LILRB1: variants seen among roughly 807,000 people sequenced by gnomAD.
LILRB1 encodes leukocyte immunoglobulin-like receptor subfamily B member 1.
LILRB1 carries 59 observed loss-of-function variants against 74.6 expected under a neutral mutation model. That is an observed-to-expected ratio of 0.79 (90% CI 0.64 to 0.98). The LOEUF (loss-of-function observed/expected upper bound fraction) is 0.98. Among genes scored for constraint, LILRB1 ranks in the 50% least tolerant of loss-of-function variants. LILRB1 has a pLI of 0.00. For synonymous variants in LILRB1, 328 were observed against 333.9 expected, an observed-to-expected ratio of 0.98 and a Z score of 0.19; for missense variants, 804 against 822.6, an observed-to-expected ratio of 0.98 and a Z score of 0.28.
chr19:54,636,977 C>A lies in LILRB1; in HGVS notation c.*99C>A. 1.4e-6 allele frequency: 2 copies of A among 1,479,612 alleles called. No homozygotes were observed. The highest frequency in any genetic ancestry group is 2.8e-5 in the African/African-American group (2 of 71,478). The allele number at this position is 1,479,612 out of a possible 1,614,324, so 91.7% of individuals were successfully genotyped here. A position where few individuals can be genotyped will look rare whatever the true frequency, so the allele number is the denominator to read the frequency against. The stretch of plus-strand genomic sequence containing the variant: ...TTGGACCCCACCCAGCCTGGATCTA[C>A]CCCAGGAGACTCTGGGAACTTTTAG... On this transcript the variant is annotated 3_prime_UTR_variant, in exon 15 of 15. Transcript: ENST00000324602.
chr19:54,636,749 C>T lies in LILRB1; in HGVS notation c.1830C>T (p.Ala610=), dbSNP rs1447842764. 2 of 1,612,556 alleles carry T rather than the reference C, an allele frequency of 1.2e-6. No individual in the cohort carries two copies. Among genetic ancestry groups the T allele is most frequent in the Non-Finnish European group, 1.7e-6 (2 of 1,179,424 alleles). Residue 610 remains alanine, a synonymous_variant, in exon 15 of 15, where the codon GCC becomes GCT. Transcript: ENST00000324602. ...CGCTGCAGGCTGCTGCATCTGAAGC[C>T]CCCCAGGATGTGACCTACGCCCAGC... ...QMDTEAAASE[A]PQDVTYAQLH...
At position 54,637,993 on chromosome 19, in the gene LILRB1, T is replaced by C. The variant is rs895495990; in HGVS notation, c.*1115T>C. 6.6e-6 allele frequency among the ~76,000 whole-genome samples: 1 copy of C among 152,146 alleles called. No individual in the cohort carries two copies. The highest frequency in any genetic ancestry group is 2.4e-5 in the African/African-American group (1 of 41,416). On this transcript the variant is annotated 3_prime_UTR_variant, in exon 15 of 15. Coordinates refer to ENST00000324602, the MANE Select transcript of LILRB1 (RefSeq NM_001081637.3). The stretch of plus-strand genomic sequence containing the variant: ...TATATGTGTGTGTGTGTGAAAAACA[T>C]TGACTATAATAAAAATAATCTCGAG...
At position 54,632,462 on chromosome 19, in the gene LILRB1, A is replaced by G. The variant is rs2063961778; in HGVS notation, c.662-2A>G. The G allele has an allele frequency of 1.3e-6, 2 of 1,597,352 alleles. No homozygotes were observed. Among genetic ancestry groups the G allele is most frequent in the Non-Finnish European group, 1.7e-6 (2 of 1,169,686 alleles). On this transcript the variant is annotated splice_acceptor_variant, in intron 5 of 14. Transcript: ENST00000324602. LOFTEE classifies it high-confidence loss of function. The stretch of plus-strand genomic sequence containing the variant: ...CTGGAAACCATGACCACCTTTTCCC[A>G]GGTGTTTCTAAGAAGCCATCACTCT...
At chr19:54,634,790 G>A in intron 10 of LILRB1, 27 bp downstream of exon 10, 1 of 1,611,668 alleles carries the variant, frequency 6.2e-7, no homozygotes, top group Non-Finnish European at 8.5e-7. Context: ...GGGACCCTGA[G>A]GGCTGACCGA....
At chr19:54,624,513 G>T (rs1238715210) in intron 1 of LILRB1, among the ~76,000 whole-genome samples, 4 of 152,138 alleles carry the variant, frequency 2.6e-5, no homozygotes, top group Non-Finnish European at 2.9e-5. Flanking sequence ...GCTGCTTCAT[G>T]TAGGTGGGAT....
Position 54,633,282 on chromosome 19 carries a change from A to T in LILRB1, c.1225A>T (p.Thr409Ser), listed in dbSNP as rs200721963. 8.2e-5 allele frequency: 132 copies of T among 1,612,432 alleles called. No homozygotes were observed. Among genetic ancestry groups the T allele is most frequent in the East Asian group, 7.2e-4 (32 of 44,742 alleles). ...GSQSSKPYLL[T>S]HPSDPLELVV... ...ACAGAGCTCCAAACCCTACCTGCTG[A>T]CTCACCCCAGTGACCCCCTGGAGCT... The change falls in exon 7 of 15, where the codon ACT becomes TCT. Residue 409 changes from threonine to serine, a missense_variant. Thr to Ser is a moderately conservative substitution (Grantham distance 58). Transcript: ENST00000324602.
At chr19:54,634,443 G>C in intron 9 of LILRB1, 198 bp from the exon 10 acceptor site, 3 of 1,522,696 alleles carry the variant, frequency 2.0e-6, no homozygotes, top group African/African-American at 1.4e-5. Context: ...GCCGCTTCCT[G>C]GCTGGGGGCC....
In LILRB1 at chr19:54,634,663, T is replaced by A; in HGVS notation, c.1386T>A (p.Val462=). 2 of 1,613,794 alleles carry A rather than the reference T, an allele frequency of 1.2e-6. No individual in the cohort carries two copies. Among genetic ancestry groups the A allele is most frequent in the Non-Finnish European group, 1.7e-6 (2 of 1,179,830 alleles). Residue 462 remains valine, a synonymous_variant, in exon 10 of 15, where the codon GTT becomes GTA. Coordinates refer to ENST00000324602, the MANE Select transcript of LILRB1 (RefSeq NM_001081637.3). ...AAGGTCTGGGAAGGCACCTGGGGGT[T>A]GTGATCGGCATCTTGGTGGCCGTCA... ...PQSGLGRHLG[V]VIGILVAVIL... is the part of the protein sequence containing the mutation.
Position 54,631,060 on chromosome 19 carries a change from T to A in LILRB1, c.-14T>A. ...CTCATCCATCCACAGAGCAGGGCAGTGGGAGGAGACGCCATGACCCCCATC... is the reference window on the plus strand; with the variant it reads ...CTCATCCATCCACAGAGCAGGGCAGAGGGAGGAGACGCCATGACCCCCATC... On this transcript the variant is annotated 5_prime_UTR_variant, in exon 2 of 15. Coordinates refer to ENST00000324602, the MANE Select transcript of LILRB1 (RefSeq NM_001081637.3). 2 of 1,614,080 alleles carry A rather than the reference T, an allele frequency of 1.2e-6. No homozygotes were observed. Among genetic ancestry groups the A allele is most frequent in the South Asian group, 2.2e-5 (2 of 91,082 alleles).
chr19:54,632,675 C>T lies in LILRB1; in HGVS notation c.873C>T (p.Tyr291=), dbSNP rs61737950. ...NFTLGPVSRS[Y]GGQYRCYGAH... The stretch of plus-strand genomic sequence containing the variant: ...CCCTGGGCCCTGTGAGCCGCTCCTA[C>T]GGGGGCCAGTACAGATGCTACGGTG... Residue 291 remains tyrosine (Y), a synonymous_variant, in exon 6 of 15, where the codon TAC becomes TAT. Coordinates refer to ENST00000324602, the MANE Select transcript of LILRB1 (RefSeq NM_001081637.3). 28,675 of 1,613,540 alleles carry T rather than the reference C, an allele frequency of 0.018. 297 individuals are homozygous for T. Among genetic ancestry groups the T allele is most frequent in the Non-Finnish European group, 0.021 (24,541 of 1,180,000 alleles).
At chr19:54,620,100 T>A (rs1600308810) in intron 1 of LILRB1, among the ~76,000 whole-genome samples, 1 of 150,708 alleles carries the variant, frequency 6.6e-6, no homozygotes. Context: ...TATTTAAGAG[T>A]TGCTTTAAAA....
chr19:54,626,014 C>A (rs1324450132), upstream of LILRB1, among the ~76,000 whole-genome samples: 1 of 152,224 alleles, frequency 6.6e-6, no homozygotes, highest in African/African-American at 2.4e-5. Context: ...CACCTTTTCT[C>A]TTCTCTTCTT....
chr19:54,622,793 G>A (rs1202491623), intron 1 of LILRB1, among the ~76,000 whole-genome samples: 1 of 152,122 alleles, frequency 6.6e-6, no homozygotes, highest in African/African-American at 2.4e-5. Flanking sequence ...TCAATTTTAA[G>A]GTTGGCTGTG....
In LILRB1 at chr19:54,633,952, C is replaced by T; in HGVS notation, c.1313-19C>T. The T allele has an allele frequency of 6.3e-7, 1 of 1,582,618 alleles. No individual in the cohort carries two copies. The highest frequency in any genetic ancestry group is 8.6e-7 in the Non-Finnish European group (1 of 1,163,804). On this transcript the variant is annotated intron_variant, in intron 8 of 14. Transcript: ENST00000324602. ...GGGAGCAGGGCAGCCCCAGCCCTCA[C>T]CTCCCCGTCCTGACCCAGCAGGCCC... is the stretch of plus-strand genomic sequence containing the variant.
chr19:54,618,538 G>A (rs536563475), intron 1 of LILRB1, among the ~76,000 whole-genome samples: 5 of 152,274 alleles, frequency 3.3e-5, no homozygotes, highest in Admixed American at 6.5e-5. Flanking sequence ...GGCCGGGCAC[G>A]GTGGCTCACG....
chr19:54,629,916 G>A (rs538324548), upstream of LILRB1, among the ~76,000 whole-genome samples: 7 of 152,174 alleles, frequency 4.6e-5, no homozygotes, highest in South Asian at 4.1e-4. Flanking sequence ...ACAAATACAC[G>A]TCCATCTATC....
chr19:54,634,753 C>A lies in LILRB1; in HGVS notation c.1476C>A (p.His492Gln). 1 of 1,613,890 alleles carries A rather than the reference C, an allele frequency of 6.2e-7. No individual in the cohort carries two copies. The highest frequency in any genetic ancestry group is 8.5e-7 in the Non-Finnish European group (1 of 1,179,868). ...TCCGACATCGACGTCAGGGCAAACACTGGACATCGAGTGAGTAGGGAATGG... is the reference window on the plus strand; with the variant it reads ...TCCGACATCGACGTCAGGGCAAACAATGGACATCGAGTGAGTAGGGAATGG... ...LILRHRRQGK[H>Q]WTSTQRKADF... Residue 492 changes from histidine to glutamine, a missense_variant, in exon 10 of 15, where the codon CAC becomes CAA. Coordinates refer to ENST00000324602, the MANE Select transcript of LILRB1 (RefSeq NM_001081637.3).
chr19:54,631,294 C>A lies in LILRB1; in HGVS notation c.58C>A (p.His20Asn). 1.2e-6 allele frequency: 2 copies of A among 1,613,428 alleles called. No homozygotes were observed. The highest frequency in any genetic ancestry group is 1.7e-6 in the Non-Finnish European group (2 of 1,179,942). Residue 20 changes from histidine to asparagine, a missense_variant, in exon 3 of 15, where the codon CAC becomes AAC. By Grantham distance (68) the His-to-Asn change is moderately conservative. Coordinates refer to ENST00000324602, the MANE Select transcript of LILRB1 (RefSeq NM_001081637.3). ...AGGGCTGAGTCTGGGCCCCCGGACC[C>A]ACGTGCAGGCAGGTGAGTCTGTCCC... ...CLGLSLGPRT[H>N]VQAGHLPKPT...
At chr19:54,622,870 A>T (rs1209908355) in intron 1 of LILRB1, among the ~76,000 whole-genome samples, 1 of 152,078 alleles carries the variant, frequency 6.6e-6, no homozygotes, top group Non-Finnish European at 1.5e-5. Flanking sequence ...GAGGGATTTT[A>T]TCATGAAGGG....
Sources: gnomAD v4.1 joint callset for allele counts (sites outside exome capture counted in the v4.1 genomes callset) on GRCh38, gnomAD v4.1.1 for gene constraint, MANE v1.5 for transcripts, NCBI Gene and HGNC (gene_info 2026-07-23, HGNC 2026-07-21) for gene names.